ENTPD7: variants seen among roughly 807,000 people sequenced by gnomAD.
ENTPD7 encodes the protein ectonucleoside triphosphate diphosphohydrolase 7, also known as NTPDase 7.
A neutral mutation model predicts 77.9 loss-of-function variants in ENTPD7; 53 were observed. The observed-to-expected ratio is 0.68, with a 90% CI of 0.55 to 0.85. The LOEUF (loss-of-function observed/expected upper bound fraction) is 0.85. ENTPD7 is among the 40% of genes least tolerant of loss of function. ENTPD7 has a pLI of 0.00. For missense variants in ENTPD7, 636 were observed against 743.7 expected (o/e 0.86, Z 1.68); for synonymous variants, 248 against 274.9 (o/e 0.90, Z 0.97).
At chr10:99,675,077 T>A (rs955433316) in intron 3 of ENTPD7, among the ~76,000 whole-genome samples, 2 of 152,224 alleles carry the variant, frequency 1.3e-5, no homozygotes, top group Admixed American at 1.3e-4. Context: ...TATTTTTAGT[T>A]AAAAGAATGA....
chr10:99,673,502 C>G (rs1044423147), intron 3 of ENTPD7, among the ~76,000 whole-genome samples: 1 of 152,128 alleles, frequency 6.6e-6, no homozygotes, highest in Non-Finnish European at 1.5e-5. Context: ...GAAAACTGTT[C>G]TTTAGTTACT....
intron 3 of ENTPD7, among the ~76,000 whole-genome samples, chr10:99,676,038 C>T (rs1215004753): frequency 2.0e-5 from 3 of 152,046 alleles, no homozygotes; most frequent in Non-Finnish European, 4.4e-5. Context: ...CACACAAATG[C>T]TTCAATTTGT....
chr10:99,698,267 C>T (rs1175698753), intron 9 of ENTPD7, among the ~76,000 whole-genome samples: 1 of 152,206 alleles, frequency 6.6e-6, no homozygotes, highest in African/African-American at 2.4e-5. Flanking sequence ...ACAGCAGATT[C>T]ACATCTCCAA....
rs185283518 is a variant in ENTPD7 at position 99,695,169 on chromosome 10, T to C, written c.844-787T>C. Reference sequence around the variant, plus strand: ...CCTTTTCATTGGCGGTACAATAAAATTGAACTTTCCCAATCCCCAAACCTG... The same window carrying C: ...CCTTTTCATTGGCGGTACAATAAAACTGAACTTTCCCAATCCCCAAACCTG... On this transcript the variant is annotated intron_variant, in intron 8 of 12. Transcript: ENST00000370489. Among the ~76,000 whole-genome samples the C allele has an allele frequency of 2.0e-3, 311 of 152,204 alleles. 2 individuals carry two copies. The highest frequency in any genetic ancestry group is 3.2e-3 in the Non-Finnish European group (219 of 67,988).
Position 99,709,459 on chromosome 10 carries a change from G to A in ENTPD7, c.*4776G>A, listed in dbSNP as rs1175050201. On this transcript the variant is annotated 3_prime_UTR_variant, in exon 13 of 13. Coordinates refer to ENST00000370489, the MANE Select transcript of ENTPD7 (RefSeq NM_020354.5). ...GCAATAACTTGTGAGGATTTTCCTG[G>A]TGTTACAAAAAATATTGCTGTTAAA... is the stretch of plus-strand genomic sequence containing the variant. 2 of 985,252 alleles carry A rather than the reference G, an allele frequency of 2.0e-6. No individual in the cohort carries two copies. The highest frequency in any genetic ancestry group is 2.4e-6 in the Non-Finnish European group (2 of 829,934). 61.0% of individuals were successfully genotyped at this position (985,252 alleles called of 1,614,324 possible). A position where few individuals can be genotyped will look rare whatever the true frequency, so the allele number is the denominator to read the frequency against.
chr10:99,700,246 T>C (rs2036085514), intron 10 of ENTPD7, among the ~76,000 whole-genome samples: 3 of 152,142 alleles, frequency 2.0e-5, no homozygotes, highest in Non-Finnish European at 4.4e-5. Context: ...GCGATTTTTT[T>C]CCCTTACCTT....
chr10:99,688,583 T>C lies in ENTPD7; in HGVS notation c.653-111T>C, dbSNP rs557576031. 1.4e-5 allele frequency: 13 copies of C among 957,726 alleles called. No individual in the cohort carries two copies. In the African/African-American group the frequency reaches 1.7e-4, roughly 12 times the overall value. 59.3% of individuals were successfully genotyped at this position (957,726 alleles called of 1,614,324 possible). On this transcript the variant is annotated intron_variant, in intron 6 of 12. Coordinates refer to ENST00000370489, the MANE Select transcript of ENTPD7 (RefSeq NM_020354.5). ...CCTACATTGAGAGTATGGAATAAAA[T>C]ACTATGATTACTTTTTCCAAGAAAA...
In ENTPD7 at chr10:99,679,909, G is replaced by A. The variant is rs764234870; in HGVS notation, c.548+34G>A. 25 of 1,588,236 alleles carry A rather than the reference G, an allele frequency of 1.6e-5. 1 individual carries two copies. In the South Asian group the frequency reaches 1.6e-4, roughly 10 times the overall value. On this transcript the variant is annotated intron_variant, in intron 5 of 12. Transcript: ENST00000370489. ...CAGGGTACAGGAAACACAGGAAAAC[G>A]GTGGCACAAGAGATGAAAGGCCAGT... is the stretch of plus-strand genomic sequence containing the variant.
At chr10:99,680,311 C>T (rs748636451) in intron 5 of ENTPD7, among the ~76,000 whole-genome samples, 2 of 152,104 alleles carry the variant, frequency 1.3e-5, no homozygotes, top group Non-Finnish European at 2.9e-5. Flanking sequence ...TGCCTTAGGC[C>T]TGTTTTCTCA....
At chr10:99,678,681 G>GC (rs2035715482) in intron 3 of ENTPD7, among the ~76,000 whole-genome samples, 1 of 150,502 alleles carries the variant, frequency 6.6e-6, no homozygotes, top group South Asian at 2.1e-4. Context: ...GGAGGCTGAG[G>GC]CAGGAGAATT....
rs1247820038 is a variant in ENTPD7 at position 99,709,153 on chromosome 10, C to T, written c.*4470C>T. The T allele has an allele frequency of 2.7e-5, 27 of 984,846 alleles. No individual in the cohort carries two copies. Among genetic ancestry groups the T allele is most frequent in the African/African-American group, 3.5e-5 (2 of 57,212 alleles). 61.0% of individuals were successfully genotyped at this position (984,846 alleles called of 1,614,324 possible). ...CAAGCAATTCATTAGATGACTACAG[C>T]CTAGATGAAGGTATAAATGCCTATT... On this transcript the variant is annotated 3_prime_UTR_variant, in exon 13 of 13. Transcript: ENST00000370489.
chr10:99,691,307 A>G, intron 7 of ENTPD7, 78 bp from the exon 8 acceptor site: 1 of 1,472,292 alleles, frequency 6.8e-7, no homozygotes. Context: ...CAAATTTTCA[A>G]GGGATTGCTG....
At chr10:99,660,399 C>G in intron 2 of ENTPD7, 1 of 1,156,366 alleles carries the variant, frequency 8.6e-7, no homozygotes, top group Non-Finnish European at 1.1e-6. Flanking sequence ...TAACCTGAAG[C>G]TTTTAAAAAA....
chr10:99,668,573 C>G (rs1278655570), intron 3 of ENTPD7, among the ~76,000 whole-genome samples: 1 of 152,082 alleles, frequency 6.6e-6, no homozygotes, highest in Non-Finnish European at 1.5e-5. Flanking sequence ...AAGAGTAGAG[C>G]ATCTAGGAAT....
At position 99,661,618 on chromosome 10, in the gene ENTPD7, C is replaced by A. The variant is rs758400449; in HGVS notation, c.181C>A (p.Gln61Lys). The change falls in exon 3 of 13, where the codon CAA becomes AAA. Residue 61 changes from glutamine to lysine, a missense_variant. Physicochemically the swap from Gln to Lys is moderately conservative, Grantham distance 53. Coordinates refer to ENST00000370489, the MANE Select transcript of ENTPD7 (RefSeq NM_020354.5). ...HWSASLPRDRQYERYLARVGE... is the reference protein window; with the variant it reads ...HWSASLPRDRKYERYLARVGE... ...GAGTGCTTCATTACCACGAGATAGG[C>A]AATACGAAAGGTGAGTCAGCTTTAG... 10 of 1,605,960 alleles carry A rather than the reference C, an allele frequency of 6.2e-6. No individual in the cohort carries two copies. In the East Asian group the frequency reaches 1.8e-4, roughly 29 times the overall value.
At chr10:99,698,084 T>C in intron 9 of ENTPD7, 1 of 201,064 alleles carries the variant, frequency 5.0e-6, no homozygotes, top group Non-Finnish European at 1.0e-5. Flanking sequence ...TCCATCACCA[T>C]TGCCAGCCAT....
chr10:99,693,981 CTT>C (rs1197209818), intron 8 of ENTPD7, among the ~76,000 whole-genome samples: 1 of 151,710 alleles, frequency 6.6e-6, no homozygotes, highest in Non-Finnish European at 1.5e-5. Context: ...AATCTTAGTG[CTT>C]GGTAAAAATG....
intron 7 of ENTPD7, 111 bp from the exon 8 acceptor site, chr10:99,691,274 G>T: frequency 8.4e-7 from 1 of 1,184,606 alleles, no homozygotes; most frequent in South Asian, 1.6e-5. Context: ...TTACAGGTGT[G>T]AGCCATGGCA....
In ENTPD7 at chr10:99,659,621, G is replaced by A. The variant is rs113828067; in HGVS notation, c.-96+33G>A. 1,306 of 228,090 alleles carry A rather than the reference G, an allele frequency of 5.7e-3. 18 individuals carry two copies. The highest frequency in any genetic ancestry group is 0.028 in the African/African-American group (1,219 of 43,844). The allele number at this position is 228,090 out of a possible 1,614,324, so 14.1% of individuals were successfully genotyped here. ...TGGGCGCGAGAGGGCTGTGGGACCC[G>A]GAGGGACGGGGAGAGGAAGCGGGAC... On this transcript the variant is annotated intron_variant, in intron 1 of 12. Transcript: ENST00000370489. This position sits in a 1 kb window ranked among gnomAD's most constrained non-coding sequence, Gnocchi z 4.1.
Sources: allele counts gnomAD v4.1 joint callset (sites outside exome capture counted in the v4.1 genomes callset), GRCh38; gene constraint gnomAD v4.1.1; non-coding constraint Gnocchi (gnomAD v3.1); transcripts MANE v1.5; gene names NCBI Gene and HGNC (gene_info 2026-07-23, HGNC 2026-07-21).